Variants in PTPRJ observed in about 807,000 individuals in gnomAD.
The protein encoded by PTPRJ is protein tyrosine phosphatase receptor type J.
Under a neutral mutation model 141.3 loss-of-function variants are expected in PTPRJ, and 129 were observed. The observed-to-expected ratio is 0.91, with a 90% CI of 0.79 to 1.06. The LOEUF is 1.06. Among genes scored for constraint, PTPRJ ranks in the 50% least tolerant of loss-of-function variants. The probability of loss-of-function intolerance (pLI) is 0.00; values close to 1 mark genes in which losing one functional copy is unlikely to be tolerated. For missense variants in PTPRJ, 1,601 were observed against 1,679.7 expected, an observed-to-expected ratio of 0.95 and a Z score of 0.82; for synonymous variants, 610 against 640.5, an observed-to-expected ratio of 0.95 and a Z score of 0.72.
chr11:47,987,272 G>A (rs1854076188), intron 1 of PTPRJ, among the ~76,000 whole-genome samples: 1 of 152,230 alleles, frequency 6.6e-6, no homozygotes, highest in Middle Eastern at 3.4e-3. Context: ...ACCCCCAAAA[G>A]TCCATGATTT....
intron 1 of PTPRJ, among the ~76,000 whole-genome samples, chr11:48,032,787 C>A (rs1265924561): frequency 2.0e-5 from 3 of 152,124 alleles, no homozygotes; most frequent in African/African-American, 7.2e-5. Context: ...CAACAAAAAA[C>A]CCCAAATCTA....
At chr11:48,030,593 T>C (rs1486336214) in intron 1 of PTPRJ, among the ~76,000 whole-genome samples, 1 of 152,018 alleles carries the variant, frequency 6.6e-6, no homozygotes, top group East Asian at 1.9e-4. Flanking sequence ...AAATACAAAA[T>C]TTAGCCGGGC....
intron 24 of PTPRJ, among the ~76,000 whole-genome samples, chr11:48,164,848 G>A (rs1590575051): frequency 6.7e-6 from 1 of 150,252 alleles, no homozygotes; most frequent in Non-Finnish European, 1.5e-5. Flanking sequence ...TTACAGGCAT[G>A]AGCCACTTTG....
At chr11:48,091,678 C>T (rs913101784) in intron 1 of PTPRJ, among the ~76,000 whole-genome samples, 3 of 152,146 alleles carry the variant, frequency 2.0e-5, no homozygotes, top group Non-Finnish European at 4.4e-5. Flanking sequence ...TGAAAAAATT[C>T]GAAAAGTCAC....
At chr11:48,143,166 G>C (rs765973387) in intron 12 of PTPRJ, 116 bp downstream of exon 12, 4 of 1,364,284 alleles carry the variant, frequency 2.9e-6, no homozygotes, top group Non-Finnish European at 4.0e-6. Context: ...TCTCACTGCA[G>C]CCTATGCTGT....
At chr11:48,009,512 C>T (rs1273613691) in intron 1 of PTPRJ, among the ~76,000 whole-genome samples, 1 of 152,172 alleles carries the variant, frequency 6.6e-6, no homozygotes, top group Admixed American at 6.5e-5. Context: ...AGAAGGATCA[C>T]TTGAACCTGG....
At chr11:48,061,373 AC>A (rs1326605502) in intron 1 of PTPRJ, among the ~76,000 whole-genome samples, 1 of 152,096 alleles carries the variant, frequency 6.6e-6, no homozygotes, top group Non-Finnish European at 1.5e-5. Context: ...GGCTGTTGTC[AC>A]CGGTGGGGCT....
At chr11:48,098,266 G>C (rs1264563295) in intron 1 of PTPRJ, among the ~76,000 whole-genome samples, 3 of 152,226 alleles carry the variant, frequency 2.0e-5, no homozygotes, top group African/African-American at 7.2e-5. Context: ...AATGGGGAAG[G>C]CCACGAGCTA....
intron 1 of PTPRJ, among the ~76,000 whole-genome samples, chr11:48,020,565 G>A (rs1855088678): frequency 6.6e-6 from 1 of 152,056 alleles, no homozygotes; most frequent in African/African-American, 2.4e-5. Context: ...TGAACGCAGT[G>A]CAGTCCGGGG....
chr11:48,003,684 T>G (rs897433077), intron 1 of PTPRJ, among the ~76,000 whole-genome samples: 8 of 152,134 alleles, frequency 5.3e-5, no homozygotes, highest in African/African-American at 1.7e-4. Flanking sequence ...GTAGTAAAGA[T>G]GGGGTTTCAT....
intron 1 of PTPRJ, among the ~76,000 whole-genome samples, chr11:47,984,283 T>A (rs1853989774): frequency 6.6e-6 from 1 of 152,186 alleles, no homozygotes; most frequent in Non-Finnish European, 1.5e-5. Context: ...AGGTTGGGGC[T>A]GAGGCAGAGT....
At chr11:48,021,414 A>G (rs992061725) in intron 1 of PTPRJ, among the ~76,000 whole-genome samples, 2 of 105,768 alleles carry the variant, frequency 1.9e-5, no homozygotes, top group African/African-American at 1.7e-4. Context: ...TAAATAAATA[A>G]ATAAATAAAA....
At chr11:48,021,504 TG>T (rs1355485016) in intron 1 of PTPRJ, among the ~76,000 whole-genome samples, 1 of 152,140 alleles carries the variant, frequency 6.6e-6, no homozygotes, top group African/African-American at 2.4e-5. Flanking sequence ...CCCCAGGTTT[TG>T]GGGCATCAGG....
chr11:48,098,517 C>CTT (rs762125208), intron 1 of PTPRJ, among the ~76,000 whole-genome samples: 10,711 of 36,344 alleles, frequency 0.29, 4,161 homozygotes, highest in East Asian at 0.55. Context: ...CATTTTATCT[C>CTT]TTTTTTTTTT....
In PTPRJ at chr11:48,170,260, T is replaced by A. The variant is rs890581139; in HGVS notation, c.*2898T>A. On this transcript the variant is annotated 3_prime_UTR_variant, in exon 25 of 25. Coordinates refer to ENST00000418331, the MANE Select transcript of PTPRJ (RefSeq NM_002843.4). The stretch of plus-strand genomic sequence containing the variant: ...GATAGCATCTCCCAGGAACAACGAC[T>A]TTTTGCCTCCAAAGTTGGATCTAGT... 3 of 152,162 alleles carry A rather than the reference T, an allele frequency of 2.0e-5. No homozygotes were observed. Among genetic ancestry groups the A allele is most frequent in the African/African-American group, 7.2e-5 (3 of 41,414 alleles). 9.4% of individuals were successfully genotyped at this position (152,162 alleles called of 1,614,324 possible).
At chr11:47,996,797 G>T (rs1446925888) in intron 1 of PTPRJ, among the ~76,000 whole-genome samples, 1 of 152,242 alleles carries the variant, frequency 6.6e-6, no homozygotes, top group Non-Finnish European at 1.5e-5. Flanking sequence ...GCGTAGAGCA[G>T]TCACCAAATC....
chr11:48,061,875 T>A (rs1308134764), intron 1 of PTPRJ, among the ~76,000 whole-genome samples: 3 of 151,978 alleles, frequency 2.0e-5, no homozygotes, highest in Non-Finnish European at 4.4e-5. Context: ...TTCTCATCTC[T>A]GTAAAATTGG....
chr11:48,159,106 G>A (rs1417467226), intron 21 of PTPRJ, among the ~76,000 whole-genome samples: 4 of 141,080 alleles, frequency 2.8e-5, no homozygotes, highest in African/African-American at 1.1e-4. Context: ...GGGTGTGTGT[G>A]TGTGTGTGTA....
intron 1 of PTPRJ, among the ~76,000 whole-genome samples, chr11:47,993,418 G>A (rs1309202186): frequency 1.3e-5 from 2 of 152,056 alleles, no homozygotes; most frequent in African/African-American, 4.8e-5. Context: ...TCAGCCTCCT[G>A]AGAAGCTGGG....
Sources: allele counts gnomAD v4.1 joint callset (sites outside exome capture counted in the v4.1 genomes callset), GRCh38; gene constraint gnomAD v4.1.1; transcripts MANE v1.5; gene names NCBI Gene and HGNC (gene_info 2026-07-23, HGNC 2026-07-21).